The following PRKD2 variants were observed in gnomAD, a reference collection of about 807,000 sequenced individuals.
PRKD2 encodes serine/threonine-protein kinase D2.
In PRKD2, 22 loss-of-function variants were observed where a neutral mutation model predicts 86.0. That is an observed-to-expected ratio of 0.26 (90% confidence interval 0.18 to 0.37). The LOEUF (loss-of-function observed/expected upper bound fraction) is 0.37. PRKD2 is among the 10% of genes least tolerant of loss of function. The pLI, the probability that PRKD2 is intolerant of heterozygous loss-of-function variation, is 1.00. For synonymous variants in PRKD2, 509 were observed against 510.9 expected, an observed-to-expected ratio of 1.00 and a Z score of 0.05; for missense variants, 818 against 1,199.2, an observed-to-expected ratio of 0.68 and a Z score of 4.70.
At chr19:46,710,007 C>G (rs1388792072) in intron 3 of PRKD2, among the ~76,000 whole-genome samples, 1 of 152,130 alleles carries the variant, frequency 6.6e-6, no homozygotes, top group South Asian at 2.1e-4. Context: ...AAGCAATTCT[C>G]CTGCCTCAGC....
intron 9 of PRKD2, among the ~76,000 whole-genome samples, chr19:46,696,129 A>G (rs1278497809): frequency 6.6e-6 from 1 of 152,104 alleles, no homozygotes; most frequent in African/African-American, 2.4e-5. Flanking sequence ...GTGAGCCACC[A>G]CGCCTGGCCA....
chr19:46,706,631 G>A (rs1220625025), intron 3 of PRKD2, among the ~76,000 whole-genome samples: 1 of 152,168 alleles, frequency 6.6e-6, no homozygotes, highest in Non-Finnish European at 1.5e-5. Context: ...CATAGGAACT[G>A]GGACCATCAT....
At chr19:46,691,854 G>A in intron 11 of PRKD2, 47 bp from the exon 12 acceptor site, 1 of 1,612,056 alleles carries the variant, frequency 6.2e-7, no homozygotes. Flanking sequence ...TGGAAATGGG[G>A]AAGGGGGAGT....
intron 5 of PRKD2, among the ~76,000 whole-genome samples, chr19:46,703,957 CAACA>C (rs963419125): frequency 7.7e-5 from 3 of 39,166 alleles, no homozygotes; most frequent in African/African-American, 4.2e-4. Flanking sequence ...AAAACAACAA[CAACA>C]CACACACACA....
chr19:46,675,014 G>A lies in PRKD2; in HGVS notation c.2424+19C>T. ...TTCCTCCAATCCAGCCAATGGGCCA[G>A]CCCTGCCCCCTGCATCACCTGTAAC... On this transcript the variant is annotated intron_variant, in intron 17 of 17. Coordinates refer to ENST00000291281, the MANE Select transcript of PRKD2 (RefSeq NM_016457.5). 2 of 1,590,208 alleles carry A rather than the reference G, an allele frequency of 1.3e-6. 1 individual carries two copies. Among genetic ancestry groups the A allele is most frequent in the Non-Finnish European group, 1.7e-6 (2 of 1,165,012 alleles).
In PRKD2 at chr19:46,693,790, T is replaced by G; in HGVS notation, c.1576+85A>C. ...GTTCTCAACCCCACCATTGCCCACT[T>G]TCCTCTTTGGCCCTTCCATTCCCCA... On this transcript the variant is annotated intron_variant, in intron 10 of 17. Transcript: ENST00000291281. The surrounding 1 kb of genome is among the most constrained non-coding windows in gnomAD (Gnocchi z 4.5). The G allele has an allele frequency of 6.7e-7, 1 of 1,499,904 alleles. No homozygotes were observed. The highest frequency in any genetic ancestry group is 8.9e-7 in the Non-Finnish European group (1 of 1,127,062). 92.9% of individuals were successfully genotyped at this position (1,499,904 alleles called of 1,614,324 possible).
Position 46,688,507 on chromosome 19 carries a change from G to A in PRKD2, c.1971+1030C>T, listed in dbSNP as rs138114569. Among the ~76,000 whole-genome samples the A allele has an allele frequency of 2.1e-3, 318 of 149,368 alleles. 1 individual carries two copies. The highest frequency in any genetic ancestry group is 6.6e-3 in the African/African-American group (266 of 40,502). Reference sequence around the variant, plus strand: ...GCTGGAGTACAATGGCACGATCTCAGCTCACTGTAACCTCTGCCTCCTGGG... The same window carrying A: ...GCTGGAGTACAATGGCACGATCTCAACTCACTGTAACCTCTGCCTCCTGGG... On this transcript the variant is annotated intron_variant, in intron 14 of 17. Coordinates refer to ENST00000291281, the MANE Select transcript of PRKD2 (RefSeq NM_016457.5).
intron 16 of PRKD2, among the ~76,000 whole-genome samples, chr19:46,676,558 C>T (rs956022332): frequency 6.6e-6 from 1 of 152,236 alleles, no homozygotes. Context: ...CAAGCCAGCA[C>T]TCATCCGAGG....
At chr19:46,711,865 C>A (rs1265387036) in intron 2 of PRKD2, among the ~76,000 whole-genome samples, 7 of 151,432 alleles carry the variant, frequency 4.6e-5, no homozygotes, top group Admixed American at 4.6e-4. Flanking sequence ...GTCAGAAGTT[C>A]GAAACCAGCC....
intron 14 of PRKD2, among the ~76,000 whole-genome samples, chr19:46,681,958 A>G (rs1418915896): frequency 6.6e-6 from 1 of 151,090 alleles, no homozygotes; most frequent in Non-Finnish European, 1.5e-5. Flanking sequence ...CTCCTGCCTC[A>G]GCCTCCCAAG....
At chr19:46,714,864 C>T (rs536866439) in intron 1 of PRKD2, among the ~76,000 whole-genome samples, 1 of 152,276 alleles carries the variant, frequency 6.6e-6, no homozygotes, top group Admixed American at 6.5e-5. Context: ...GTGGGCAAAA[C>T]CCTATCAGTT....
intron 1 of PRKD2, 168 bp from the exon 2 acceptor site, chr19:46,714,169 C>T (rs1380170324): frequency 8.2e-6 from 11 of 1,334,558 alleles, no homozygotes; most frequent in Non-Finnish European, 1.1e-5. Flanking sequence ...GCGAGCCGGG[C>T]AGGATGCCAG....
intron 2 of PRKD2, 88 bp downstream of exon 2, chr19:46,713,775 C>T: frequency 7.9e-7 from 1 of 1,266,548 alleles, no homozygotes. Context: ...CCGGCCTCTC[C>T]TGACTTCTAA....
intron 3 of PRKD2, among the ~76,000 whole-genome samples, chr19:46,706,050 A>C (rs563105004): frequency 5.3e-5 from 8 of 151,998 alleles, no homozygotes; most frequent in Non-Finnish European, 8.8e-5. Flanking sequence ...TTTTTTGTAG[A>C]GATGGGGTCT....
chr19:46,710,670 T>A, intron 3 of PRKD2: 17 of 432,192 alleles, frequency 3.9e-5, no homozygotes, highest in Non-Finnish European at 7.1e-5. Flanking sequence ...TACTTGTCCC[T>A]CCCAGCTCCA....
chr19:46,711,541 C>T (rs568806351), intron 2 of PRKD2, among the ~76,000 whole-genome samples: 4 of 151,838 alleles, frequency 2.6e-5, no homozygotes, highest in East Asian at 4.0e-4. Context: ...TACAGGCATG[C>T]GCCACCACAC....
At chr19:46,701,820 T>C (rs1444352134) in intron 5 of PRKD2, among the ~76,000 whole-genome samples, 1 of 151,966 alleles carries the variant, frequency 6.6e-6, no homozygotes, top group Non-Finnish European at 1.5e-5. Context: ...TAGCTGCATC[T>C]CTGACTTCTA....
intron 15 of PRKD2, among the ~76,000 whole-genome samples, 195 bp downstream of exon 15, chr19:46,681,455 G>A (rs532453175): frequency 1.5e-4 from 23 of 151,092 alleles, no homozygotes; most frequent in African/African-American, 5.1e-4. Context: ...ATGAGGTCTC[G>A]CTATGTTGCC....
At chr19:46,690,802 T>C (rs2053473176) in intron 12 of PRKD2, 96 bp from the exon 13 acceptor site, 1 of 1,129,188 alleles carries the variant, frequency 8.9e-7, no homozygotes, top group Non-Finnish European at 1.3e-6. Context: ...CCCCCCACCA[T>C]GGAGACAGCC....
Sources: gnomAD v4.1 joint callset for allele counts (sites outside exome capture counted in the v4.1 genomes callset) on GRCh38, gnomAD v4.1.1 for gene constraint, Gnocchi (gnomAD v3.1) non-coding constraint, MANE v1.5 for transcripts, NCBI Gene and HGNC (gene_info 2026-07-23, HGNC 2026-07-21) for gene names.